ALK: variants seen among roughly 807,000 people sequenced by gnomAD.
ALK encodes ALK tyrosine kinase receptor.
Under a neutral mutation model 163.1 loss-of-function variants are expected in ALK, and 74 were observed. That is an observed-to-expected ratio of 0.45 (90% CI 0.38 to 0.55). ALK has a LOEUF of 0.55. ALK is among the 20% of genes least tolerant of loss of function. The probability of loss-of-function intolerance (pLI) is 0.00; values close to 1 mark genes in which losing one functional copy is unlikely to be tolerated. For synonymous variants in ALK, 960 were observed against 843.2 expected (o/e 1.14, Z -2.40); for missense variants, 2,063 against 2,105.3 (o/e 0.98, Z 0.39).
intron 4 of ALK, among the ~76,000 whole-genome samples, chr2:29,443,222 G>A (rs1466052843): frequency 1.3e-5 from 2 of 152,226 alleles, no homozygotes; most frequent in Non-Finnish European, 2.9e-5. Flanking sequence ...TGAAGACCAG[G>A]CTGTGAGCCA....
chr2:29,244,678 G>A (rs919361129), intron 12 of ALK, among the ~76,000 whole-genome samples: 1 of 152,222 alleles, frequency 6.6e-6, no homozygotes, highest in African/African-American at 2.4e-5. Flanking sequence ...ATGGAGCATC[G>A]GTGGTGGAGG....
chr2:29,630,927 G>A (rs1357792263), intron 3 of ALK, among the ~76,000 whole-genome samples: 1 of 152,168 alleles, frequency 6.6e-6, no homozygotes. Context: ...ATTTAGCTGC[G>A]ATTTGTATAG....
intron 11 of ALK, among the ~76,000 whole-genome samples, chr2:29,260,958 T>C (rs779448076): frequency 1.3e-5 from 2 of 152,184 alleles, no homozygotes; most frequent in Non-Finnish European, 2.9e-5. Context: ...TATTATCCCT[T>C]TCCTACTCAA....
chr2:29,351,582 C>G (rs1413155874), intron 5 of ALK, among the ~76,000 whole-genome samples: 1 of 152,214 alleles, frequency 6.6e-6, no homozygotes, highest in African/African-American at 2.4e-5. Flanking sequence ...ACACCTGTGA[C>G]TTGTGTGGTT....
chr2:29,281,596 G>A (rs1395476314), intron 9 of ALK, among the ~76,000 whole-genome samples: 1 of 152,206 alleles, frequency 6.6e-6, no homozygotes, highest in East Asian at 1.9e-4. Context: ...GTGGAGTTTG[G>A]AACTTGTTAT....
At chr2:29,881,573 T>C (rs1286273906) in intron 1 of ALK, among the ~76,000 whole-genome samples, 2 of 152,182 alleles carry the variant, frequency 1.3e-5, no homozygotes, top group Admixed American at 6.5e-5. Context: ...CACAACAGGC[T>C]GCTGGCTGTC....
chr2:29,402,866 A>G (rs1327423205), intron 4 of ALK, among the ~76,000 whole-genome samples: 2 of 152,060 alleles, frequency 1.3e-5, no homozygotes, highest in Non-Finnish European at 2.9e-5. Flanking sequence ...TGATCACCAC[A>G]AATCCCTCCT....
intron 4 of ALK, among the ~76,000 whole-genome samples, chr2:29,458,252 C>G (rs552732761): frequency 6.6e-6 from 1 of 152,096 alleles, no homozygotes; most frequent in African/African-American, 2.4e-5. Flanking sequence ...AGTTATGTAA[C>G]TTGGGACACA....
chr2:29,420,009 A>T (rs1457537590), intron 4 of ALK, among the ~76,000 whole-genome samples: 3 of 151,080 alleles, frequency 2.0e-5, no homozygotes, highest in Non-Finnish European at 4.4e-5. Flanking sequence ...AAATACAAAA[A>T]TTAGCTGGGC....
chr2:29,206,288 C>T (rs1669308628), intron 26 of ALK, among the ~76,000 whole-genome samples: 1 of 150,586 alleles, frequency 6.6e-6, no homozygotes, highest in Admixed American at 6.6e-5. Context: ...CCCTCCCTCC[C>T]TCTCTCTCCC....
chr2:29,687,557 T>C (rs1343555537), intron 3 of ALK, among the ~76,000 whole-genome samples: 2 of 152,186 alleles, frequency 1.3e-5, no homozygotes, highest in Non-Finnish European at 2.9e-5. Context: ...TAGCATGTTT[T>C]ATCTTATTAT....
intron 3 of ALK, among the ~76,000 whole-genome samples, chr2:29,680,311 A>G (rs575503081): frequency 6.6e-6 from 1 of 152,156 alleles, no homozygotes; most frequent in East Asian, 1.9e-4. Flanking sequence ...TCTATTAAAC[A>G]CATATTATAA....
intron 3 of ALK, among the ~76,000 whole-genome samples, chr2:29,594,353 G>C (rs1675141862): frequency 6.6e-6 from 1 of 151,536 alleles, no homozygotes; most frequent in African/African-American, 2.4e-5. Context: ...AATCACGTCA[G>C]TAGCTTAAAG....
At chr2:29,645,145 C>T (rs572420050) in intron 3 of ALK, among the ~76,000 whole-genome samples, 6 of 152,064 alleles carry the variant, frequency 3.9e-5, no homozygotes, top group African/African-American at 1.4e-4. Flanking sequence ...TTGCTACCAC[C>T]AGGTGGTAGT....
chr2:29,768,049 T>C (rs1029028876), intron 1 of ALK, among the ~76,000 whole-genome samples: 1 of 152,204 alleles, frequency 6.6e-6, no homozygotes, highest in Non-Finnish European at 1.5e-5. Context: ...GGGAGCATCC[T>C]AGGAGTTTCA....
intron 1 of ALK, among the ~76,000 whole-genome samples, chr2:29,747,552 G>T (rs1680237470): frequency 6.6e-6 from 1 of 152,114 alleles, no homozygotes; most frequent in Non-Finnish European, 1.5e-5. Context: ...CCCCATCCTG[G>T]GAGACAGGTA....
At chr2:29,509,340 T>C (rs949223945) in intron 4 of ALK, among the ~76,000 whole-genome samples, 9 of 152,292 alleles carry the variant, frequency 5.9e-5, no homozygotes, top group African/African-American at 1.7e-4. Context: ...GTAGCTGAGA[T>C]AGAAAGGCTT....
intron 3 of ALK, among the ~76,000 whole-genome samples, chr2:29,575,647 C>G (rs1674503106): frequency 6.6e-6 from 1 of 152,214 alleles, no homozygotes; most frequent in Non-Finnish European, 1.5e-5. Flanking sequence ...TTTAGGAGAG[C>G]AGGGCAACCA....
At chr2:29,702,680 T>G (rs1024668210) in intron 2 of ALK, among the ~76,000 whole-genome samples, 1 of 152,240 alleles carries the variant, frequency 6.6e-6, no homozygotes, top group African/African-American at 2.4e-5. Flanking sequence ...AAGTTCCACA[T>G]GGCTGGGGAA....
Sources: gnomAD v4.1 joint callset for allele counts (sites outside exome capture counted in the v4.1 genomes callset) on GRCh38, gnomAD v4.1.1 for gene constraint, MANE v1.5 for transcripts, NCBI Gene and HGNC (gene_info 2026-07-23, HGNC 2026-07-21) for gene names.